Variants in AKNA observed in about 807,000 individuals in gnomAD.
AKNA encodes the protein AT-hook transcription factor.
AKNA carries 67 observed loss-of-function variants against 138.8 expected under a neutral mutation model. The ratio of observed to expected loss-of-function variants is 0.48; its 90% CI spans 0.40 to 0.59. The LOEUF (loss-of-function observed/expected upper bound fraction) is 0.59. Ranked by LOEUF, AKNA falls within the 20% of genes least tolerant of loss-of-function variation. AKNA has a pLI of 0.00. For missense variants in AKNA, 1,813 were observed against 1,880.4 expected (o/e 0.96, Z 0.66); for synonymous variants, 737 against 754.4 (o/e 0.98, Z 0.38).
At chr9:114,388,363 G>C (rs1448286813), upstream of AKNA, among the ~76,000 whole-genome samples, 1 of 152,194 alleles carries the variant, frequency 6.6e-6, no homozygotes, top group South Asian at 2.1e-4. Context: ...CCTGACCTTA[G>C]CCGAGGCTCC....
chr9:114,389,021 G>A (rs925406604), upstream of AKNA, among the ~76,000 whole-genome samples: 2 of 152,168 alleles, frequency 1.3e-5, no homozygotes, highest in Non-Finnish European at 2.9e-5. Flanking sequence ...TAATGGGTTG[G>A]AGGAGAAGGG....
chr9:114,383,054 C>G (rs1010180495), intron 1 of AKNA: 12 of 440,028 alleles, frequency 2.7e-5, no homozygotes, highest in Admixed American at 2.0e-4. Context: ...GGGGAGCAAG[C>G]CTACCAGGGG....
intron 6 of AKNA, among the ~76,000 whole-genome samples, chr9:114,365,047 A>T (rs924476541): frequency 6.6e-6 from 1 of 152,236 alleles, no homozygotes; most frequent in African/African-American, 2.4e-5. Context: ...GGTACAGGGC[A>T]ATGTTTACGG....
upstream of AKNA, among the ~76,000 whole-genome samples, chr9:114,390,541 G>A (rs977662179): frequency 6.6e-6 from 1 of 152,150 alleles, no homozygotes; most frequent in African/African-American, 2.4e-5. Flanking sequence ...TCCCTGGATC[G>A]GCCTTGCCTG....
chr9:114,350,922 G>C lies in AKNA; in HGVS notation c.3158C>G (p.Ala1053Gly), dbSNP rs750708829. Residue 1053 changes from alanine to glycine, a missense_variant, in exon 15 of 22, where the codon GCG becomes GGG. Coordinates refer to ENST00000374088, the MANE Select transcript of AKNA (RefSeq NM_001317950.2). ...CTCTGTTGGTCCACAGGGTAGAGGC[G>C]CAGCGGCAGGGGCGGGGGCTGGGGG... ...SPPPAPAPAA[A>G]PLPCGPTETI... 2 of 1,610,388 alleles carry C rather than the reference G, an allele frequency of 1.2e-6. No individual in the cohort carries two copies. Among genetic ancestry groups the C allele is most frequent in the Admixed American group, 1.7e-5 (1 of 59,766 alleles).
rs536376959 is a variant in AKNA at position 114,345,700 on chromosome 9, G to A, written c.3661+163C>T. ...GAATGAATGAATGAACAAGTGCACC[G>A]AGATTCATGGAGGCAATGCTCCCTG... On this transcript the variant is annotated intron_variant, in intron 18 of 21. Coordinates refer to ENST00000374088, the MANE Select transcript of AKNA (RefSeq NM_001317950.2). 38 of 580,272 alleles carry A rather than the reference G, an allele frequency of 6.5e-5. No homozygotes were observed. The South Asian group carries it at 6.8e-4, about 10-fold the overall frequency. 35.9% of individuals were successfully genotyped at this position (580,272 alleles called of 1,614,324 possible).
intron 17 of AKNA, 114 bp from the exon 18 acceptor site, chr9:114,346,123 C>A: frequency 1.9e-6 from 2 of 1,059,636 alleles, no homozygotes; most frequent in Admixed American, 2.2e-5. Context: ...TTTTAATCCC[C>A]AGTCTCCCCC....
At chr9:114,346,966 C>A (rs1830732986) in intron 16 of AKNA, among the ~76,000 whole-genome samples, 182 bp from the exon 17 acceptor site, 1 of 152,232 alleles carries the variant, frequency 6.6e-6, no homozygotes, top group African/African-American at 2.4e-5. Context: ...CTCTGATCCT[C>A]AGTTTCCTCA....
At chr9:114,344,888 T>C (rs1382530913) in intron 18 of AKNA, 1 of 153,296 alleles carries the variant, frequency 6.5e-6, no homozygotes, top group Non-Finnish European at 1.5e-5. Context: ...TCCCTCGTTA[T>C]GGTCCATGGA....
intron 6 of AKNA, among the ~76,000 whole-genome samples, chr9:114,367,091 T>A (rs1318107239): frequency 6.6e-6 from 1 of 152,186 alleles, no homozygotes; most frequent in Non-Finnish European, 1.5e-5. Flanking sequence ...AATTCACGGT[T>A]ACTTGGACTG....
Position 114,376,699 on chromosome 9 carries a change from A to C in AKNA, c.1108T>G (p.Phe370Val), listed in dbSNP as rs550588077. 4.3e-6 allele frequency: 7 copies of C among 1,612,628 alleles called. No individual in the cohort carries two copies. The highest frequency in any genetic ancestry group is 5.9e-6 in the Non-Finnish European group (7 of 1,179,458). The stretch of plus-strand genomic sequence containing the variant: ...GGACGGTAGCTCTCATCTTTGGGGA[A>C]TCTCACCCGGGGCCCTACCTTGGAG... ...DFSKVGPRVRFPKDESYRPPK... is the reference protein window; with the variant it reads ...DFSKVGPRVRVPKDESYRPPK... Residue 370 changes from phenylalanine to valine, a missense_variant, in exon 3 of 22, where the codon TTC (phenylalanine) becomes GTC (valine). Coordinates refer to ENST00000374088, the MANE Select transcript of AKNA (RefSeq NM_001317950.2).
At chr9:114,346,990 G>T (rs1371358317) in intron 16 of AKNA, among the ~76,000 whole-genome samples, 1 of 152,138 alleles carries the variant, frequency 6.6e-6, no homozygotes, top group African/African-American at 2.4e-5. Context: ...GTCAAGTGGG[G>T]ATAATAACAG....
rs545434128 is a variant in AKNA at position 114,354,303 on chromosome 9, T to A, written c.3058+1622A>T. Among the ~76,000 whole-genome samples, 4 of 152,198 alleles carry A rather than the reference T, an allele frequency of 2.6e-5. No individual in the cohort carries two copies. The East Asian group carries it at 7.7e-4, about 29-fold the overall frequency. ...CTGTATAGGGTCAGGGTCATCAATA[T>A]CCCTGTCTTCTACCTCCACATCTTG... On this transcript the variant is annotated intron_variant, in intron 14 of 21. Coordinates refer to ENST00000374088, the MANE Select transcript of AKNA (RefSeq NM_001317950.2).
At chr9:114,339,974 T>A (rs1226404196) in intron 21 of AKNA, among the ~76,000 whole-genome samples, 1 of 152,160 alleles carries the variant, frequency 6.6e-6, no homozygotes, top group Admixed American at 6.5e-5. Flanking sequence ...TGGCACACTA[T>A]TGTATTCCCA....
At chr9:114,387,313 C>A (rs140054127) in intron 1 of AKNA, among the ~76,000 whole-genome samples, 109 of 152,378 alleles carry the variant, frequency 7.2e-4, no homozygotes, top group African/African-American at 2.4e-3. Context: ...GCTCCAGCAG[C>A]AGAGGCCGAG....
chr9:114,371,078 G>T (rs1170688152), intron 4 of AKNA, among the ~76,000 whole-genome samples: 1 of 152,188 alleles, frequency 6.6e-6, no homozygotes, highest in East Asian at 1.9e-4. Flanking sequence ...CCTGGCCAGA[G>T]GCCAGTGTAG....
rs1829965643 is a variant in AKNA at position 114,335,789 on chromosome 9, GAAAAAGA to G, written c.*1258_*1264del. The G allele has an allele frequency of 3.1e-5, 4 of 127,334 alleles. No individual in the cohort carries two copies. The highest frequency in any genetic ancestry group is 6.8e-5 in the Non-Finnish European group (4 of 58,674). The allele number at this position is 127,334 out of a possible 1,614,324, so 7.9% of individuals were successfully genotyped here. On this transcript the variant is annotated 3_prime_UTR_variant, in exon 22 of 22. Transcript: ENST00000374088. Reference sequence around the variant, plus strand: ...TCAGTCTCAAAAAAAAAAAAAAAAAGAAAAAGAAAAAAGAAAAAAAAAAGAAAGAAAG... The same window carrying G: ...TCAGTCTCAAAAAAAAAAAAAAAAAGAAAAAGAAAAAAAAAAGAAAGAAAG...
At chr9:114,374,649 TA>T (rs1324025842) in intron 3 of AKNA, among the ~76,000 whole-genome samples, 3 of 152,164 alleles carry the variant, frequency 2.0e-5, no homozygotes, top group African/African-American at 7.2e-5. Flanking sequence ...ATAGAAGACT[TA>T]AAATCACTGT....
intron 1 of AKNA, among the ~76,000 whole-genome samples, chr9:114,385,457 G>C (rs1167923956): frequency 6.6e-6 from 1 of 152,216 alleles, no homozygotes; most frequent in Non-Finnish European, 1.5e-5. Flanking sequence ...TTGCTTTTCT[G>C]ATTCTGAAGC....
Sources: allele counts gnomAD v4.1 joint callset (sites outside exome capture counted in the v4.1 genomes callset), GRCh38; gene constraint gnomAD v4.1.1; transcripts MANE v1.5; gene names NCBI Gene and HGNC (gene_info 2026-07-23, HGNC 2026-07-21).